ASH1L: variants seen among roughly 807,000 people sequenced by gnomAD.
ASH1L encodes ASH1 like histone lysine methyltransferase.
In ASH1L, 23 loss-of-function variants were observed where a neutral mutation model predicts 269.0. The ratio of observed to expected loss-of-function variants is 0.09; its 90% CI spans 0.06 to 0.12. The LOEUF is 0.12. Ranked by LOEUF, ASH1L falls within the 10% of genes least tolerant of loss-of-function variation. The probability of loss-of-function intolerance (pLI) is 1.00; values close to 1 mark genes in which losing one functional copy is unlikely to be tolerated. For synonymous variants in ASH1L, 1,187 were observed against 1,253.5 expected (o/e 0.95, Z 1.12); for missense variants, 2,912 against 3,567.8 (o/e 0.82, Z 4.68).
intron 7 of ASH1L, among the ~76,000 whole-genome samples, chr1:155,389,877 CTTTTT>C (rs1018913896): frequency 8.4e-6 from 1 of 118,452 alleles, no homozygotes. Context: ...CTACCAGTAG[CTTTTT>C]TTTTTTTTTT....
At chr1:155,476,342 C>T (rs547870428) in intron 3 of ASH1L, among the ~76,000 whole-genome samples, 2 of 151,838 alleles carry the variant, frequency 1.3e-5, no homozygotes, top group South Asian at 4.2e-4. Flanking sequence ...GCCGAGATTG[C>T]ACCATTGCAC....
At chr1:155,370,366 T>C in intron 12 of ASH1L, 138 bp downstream of exon 12, 1 of 1,041,842 alleles carries the variant, frequency 9.6e-7, no homozygotes, top group Non-Finnish European at 1.4e-6. Flanking sequence ...CAGCTTACTC[T>C]GCCCGTGGGA....
At chr1:155,504,916 A>C (rs1295742290) in intron 2 of ASH1L, among the ~76,000 whole-genome samples, 1 of 152,072 alleles carries the variant, frequency 6.6e-6, no homozygotes, top group Non-Finnish European at 1.5e-5. Flanking sequence ...TACTTACCAA[A>C]GCAAACCCAA....
chr1:155,434,103 T>C (rs1458053664), intron 5 of ASH1L: 1 of 1,592,612 alleles, frequency 6.3e-7, no homozygotes, highest in Non-Finnish European at 8.5e-7. Context: ...TTCTCAGGGG[T>C]ACCAGTATCC....
At chr1:155,473,041 A>C (rs1299313509) in intron 3 of ASH1L, among the ~76,000 whole-genome samples, 1 of 152,206 alleles carries the variant, frequency 6.6e-6, no homozygotes, top group Non-Finnish European at 1.5e-5. Context: ...TATATAGTTA[A>C]ATAGCTCTTG....
intron 5 of ASH1L, among the ~76,000 whole-genome samples, chr1:155,426,030 A>C (rs567049459): frequency 6.6e-6 from 1 of 152,016 alleles, no homozygotes; most frequent in Non-Finnish European, 1.5e-5. Context: ...CTGGGACTAC[A>C]GGCGCCTGCC....
intron 3 of ASH1L, 39 bp from the exon 4 acceptor site, chr1:155,459,937 C>T: frequency 6.8e-7 from 1 of 1,468,954 alleles, no homozygotes; most frequent in South Asian, 1.3e-5. Flanking sequence ...TAGGAAAATT[C>T]AACTTTAAAA....
intron 4 of ASH1L, among the ~76,000 whole-genome samples, chr1:155,452,042 A>ATT (rs562050378): frequency 0.011 from 1,504 of 138,562 alleles, 37 homozygotes; most frequent in African/African-American, 0.038. Context: ...TAAGATGGTA[A>ATT]TTTTTTTTTT....
chr1:155,521,205 G>C lies in ASH1L; in HGVS notation c.315C>G (p.Asn105Lys), dbSNP rs1360495431. 6.2e-7 allele frequency: 1 copy of C among 1,614,042 alleles called. No homozygotes were observed. The highest frequency in any genetic ancestry group is 2.2e-5 in the East Asian group (1 of 44,878). ...RTKKPPKNLE[N>K]YVCRPAIKTT... ...TTTTTATGGCAGGTCGACATACATA[G>C]TTCTCCAAGTTCTTTGGAGGTTTTT... The change falls in exon 2 of 28, where the codon AAC becomes AAG. Residue 105 changes from asparagine (N) to lysine (K), a missense_variant. Transcript: ENST00000392403.
chr1:155,382,732 T>G (rs1301618387), intron 7 of ASH1L, among the ~76,000 whole-genome samples: 1 of 148,878 alleles, frequency 6.7e-6, no homozygotes, highest in Non-Finnish European at 1.5e-5. Flanking sequence ...TCTTAGCTCT[T>G]TTTTTTTTTT....
intron 4 of ASH1L, 75 bp from the exon 5 acceptor site, chr1:155,439,143 A>T (rs947405212): frequency 7.1e-7 from 1 of 1,418,062 alleles, no homozygotes; most frequent in Non-Finnish European, 9.5e-7. Flanking sequence ...TACACAGATA[A>T]AAGGGAGTAC....
intron 26 of ASH1L, among the ~76,000 whole-genome samples, chr1:155,338,801 C>T (rs1296738822): frequency 4.6e-5 from 7 of 152,124 alleles, no homozygotes; most frequent in Non-Finnish European, 8.8e-5. Flanking sequence ...TATCAATAGT[C>T]TAATATTTTC....
chr1:155,387,345 G>C (rs898613661), intron 7 of ASH1L, among the ~76,000 whole-genome samples: 10 of 152,140 alleles, frequency 6.6e-5, no homozygotes, highest in African/African-American at 2.4e-4. Context: ...TCAACCTTCT[G>C]CATATGGCTA....
intron 5 of ASH1L, chr1:155,433,127 T>C: frequency 1.1e-5 from 15 of 1,415,190 alleles, no homozygotes; most frequent in Non-Finnish European, 1.4e-5. Flanking sequence ...GAAAGGAATA[T>C]AAAAATATTT....
In ASH1L at chr1:155,482,065, C is replaced by T. The variant is rs1366311115; in HGVS notation, c.805G>A (p.Asp269Asn). 3 of 1,614,068 alleles carry T rather than the reference C, an allele frequency of 1.9e-6. No individual in the cohort carries two copies. The highest frequency in any genetic ancestry group is 2.5e-6 in the Non-Finnish European group (3 of 1,179,992). Reference sequence around the variant, plus strand: ...CTGATGGTTGGCTTTTTTATTAAGTCCTTATGTATTATTCCAGCTACAGAG... The same window carrying T: ...CTGATGGTTGGCTTTTTTATTAAGTTCTTATGTATTATTCCAGCTACAGAG... ...VGSVAGIIHK[D>N]LIKKPTISTA... is the part of the protein sequence containing the mutation. Residue 269 changes from aspartate (D) to asparagine (N), a missense_variant, in exon 3 of 28, where the codon GAC becomes AAC. Asp to Asn is a conservative substitution (Grantham distance 23). This residue lies in a region of ASH1L where 277 missense variants were observed against 367.7 expected (regional missense o/e 0.75). Coordinates refer to ENST00000392403, the MANE Select transcript of ASH1L (RefSeq NM_018489.3).
In ASH1L at chr1:155,415,809, G is replaced by A. The variant is rs1254194474; in HGVS notation, c.5943C>T (p.Pro1981=). ...GATACTTCTTCTTTGGGGGACGTGGGGGCTTCTTTTCCCTTGGGATGAGAG... is the reference window on the plus strand; with the variant it reads ...GATACTTCTTCTTTGGGGGACGTGGAGGCTTCTTTTCCCTTGGGATGAGAG... ...VLSLIPREKK[P]PRPPKKKYQK... is the part of the protein sequence containing the mutation. The change falls in exon 6 of 28, where the codon CCC becomes CCT. Residue 1981 remains proline (P), a synonymous_variant. Coordinates refer to ENST00000392403, the MANE Select transcript of ASH1L (RefSeq NM_018489.3). 6.8e-6 allele frequency: 11 copies of A among 1,613,836 alleles called. No homozygotes were observed. The highest frequency in any genetic ancestry group is 9.3e-6 in the Non-Finnish European group (11 of 1,180,024).
At chr1:155,404,674 G>A (rs557093355) in intron 6 of ASH1L, among the ~76,000 whole-genome samples, 1 of 151,314 alleles carries the variant, frequency 6.6e-6, no homozygotes, top group Admixed American at 6.6e-5. Context: ...TAAACTGGTG[G>A]GAAAAAAAAA....
intron 2 of ASH1L, among the ~76,000 whole-genome samples, chr1:155,495,906 G>A (rs1038116260): frequency 6.6e-6 from 1 of 152,144 alleles, no homozygotes; most frequent in Non-Finnish European, 1.5e-5. Flanking sequence ...GCTGAGGCAG[G>A]AGAATTACTT....
chr1:155,445,245 G>A lies in ASH1L; in HGVS notation c.5087-6177C>T, dbSNP rs181055895. Reference sequence around the variant, plus strand: ...GTTGCCCAGGCTGGAGTGCAATAGCGTGATCACTGCTCACTGCAACCTCCA... The same window carrying A: ...GTTGCCCAGGCTGGAGTGCAATAGCATGATCACTGCTCACTGCAACCTCCA... On this transcript the variant is annotated intron_variant, in intron 4 of 27. Transcript: ENST00000392403. Among the ~76,000 whole-genome samples, 56 of 151,780 alleles carry A rather than the reference G, an allele frequency of 3.7e-4. No homozygotes were observed. The Middle Eastern group carries it at 0.014, about 38-fold the overall frequency.
Sources: allele counts gnomAD v4.1 joint callset (sites outside exome capture counted in the v4.1 genomes callset), GRCh38; gene constraint gnomAD v4.1.1; regional missense constraint gnomAD v4.1.1; transcripts MANE v1.5; gene names NCBI Gene and HGNC (gene_info 2026-07-23, HGNC 2026-07-21).